Variants in CMSS1 observed in about 807,000 individuals in gnomAD.
CMSS1 encodes the protein protein CMSS1.
A neutral mutation model predicts 43.5 loss-of-function variants in CMSS1; 33 were observed. The ratio of observed to expected loss-of-function variants is 0.76; its 90% CI spans 0.57 to 1.01. CMSS1 has a LOEUF of 1.01. Among genes scored for constraint, CMSS1 ranks in the 50% least tolerant of loss-of-function variants. CMSS1 has a pLI of 0.00. For synonymous variants in CMSS1, 115 were observed against 117.2 expected, an observed-to-expected ratio of 0.98 and a Z score of 0.12; for missense variants, 313 against 326.4, an observed-to-expected ratio of 0.96 and a Z score of 0.32.
chr3:100,126,833 C>T (rs1431287516), intron 1 of CMSS1, among the ~76,000 whole-genome samples: 3 of 152,060 alleles, frequency 2.0e-5, no homozygotes, highest in African/African-American at 7.2e-5. Flanking sequence ...TCCGTCTCTA[C>T]TAAAAATACA....
At chr3:99,887,221 T>G (rs1705930268) in intron 1 of CMSS1, among the ~76,000 whole-genome samples, 1 of 151,646 alleles carries the variant, frequency 6.6e-6, no homozygotes, top group South Asian at 2.1e-4. Flanking sequence ...TAGCCGAGAT[T>G]GAGCCATTGC....
chr3:99,941,253 G>A (rs2107676535), intron 1 of CMSS1, among the ~76,000 whole-genome samples: 1 of 152,154 alleles, frequency 6.6e-6, no homozygotes, highest in Middle Eastern at 3.4e-3. Context: ...AAAAACTGAA[G>A]TGTTATAAAG....
chr3:99,833,262 C>G, intron 1 of CMSS1: 1 of 1,610,862 alleles, frequency 6.2e-7, no homozygotes, highest in East Asian at 2.2e-5. Flanking sequence ...GTGGTTCCAC[C>G]TAGGGAGCAG....
chr3:99,983,422 ATGTATGTATG>A (rs1709202947), intron 1 of CMSS1, among the ~76,000 whole-genome samples: 31 of 86,908 alleles, frequency 3.6e-4, no homozygotes, highest in African/African-American at 1.3e-3. Context: ...ATATATATGT[ATGTATGTATG>A]TATATATATG....
At chr3:100,141,900 C>T (rs1369030163) in intron 1 of CMSS1, among the ~76,000 whole-genome samples, 1 of 152,140 alleles carries the variant, frequency 6.6e-6, no homozygotes, top group Non-Finnish European at 1.5e-5. Flanking sequence ...TCCCAGCAGT[C>T]CTGGAGGAAC....
At chr3:99,977,391 C>G (rs1197619900) in intron 1 of CMSS1, among the ~76,000 whole-genome samples, 1 of 152,008 alleles carries the variant, frequency 6.6e-6, no homozygotes, top group East Asian at 1.9e-4. Context: ...AGCAGGGAAA[C>G]AAAGTAAGAG....
intron 1 of CMSS1, among the ~76,000 whole-genome samples, chr3:99,834,901 G>A (rs1461981619): frequency 6.6e-6 from 1 of 152,176 alleles, no homozygotes; most frequent in Non-Finnish European, 1.5e-5. Context: ...TCTGGGGATT[G>A]AAATACCTAC....
intron 9 of CMSS1, among the ~76,000 whole-genome samples, chr3:100,177,984 T>C (rs1041214056): frequency 2.0e-5 from 3 of 152,164 alleles, no homozygotes; most frequent in Non-Finnish European, 2.9e-5. Context: ...CCAGGTATCA[T>C]GGCACACACC....
At chr3:100,057,344 C>T (rs553698325) in intron 1 of CMSS1, among the ~76,000 whole-genome samples, 4 of 152,252 alleles carry the variant, frequency 2.6e-5, no homozygotes, top group African/African-American at 4.8e-5. Context: ...GCTTCTTGCC[C>T]GGCCTTAGGC....
At chr3:99,827,575 T>C (rs979399443) in intron 1 of CMSS1, among the ~76,000 whole-genome samples, 2 of 152,204 alleles carry the variant, frequency 1.3e-5, no homozygotes, top group African/African-American at 4.8e-5. Context: ...CTGGTTCCCA[T>C]AGAAGTGTCA....
At chr3:99,992,152 TATA>T (rs1709543282) in intron 1 of CMSS1, among the ~76,000 whole-genome samples, 1 of 151,992 alleles carries the variant, frequency 6.6e-6, no homozygotes, top group African/African-American at 2.4e-5. Flanking sequence ...ATCTTTTTGA[TATA>T]ATGATTTCTT....
chr3:100,016,684 A>G (rs187826830), intron 1 of CMSS1, among the ~76,000 whole-genome samples: 40 of 152,370 alleles, frequency 2.6e-4, no homozygotes, highest in African/African-American at 9.1e-4. Flanking sequence ...AGTCCATGCA[A>G]TTCATAAACT....
intron 1 of CMSS1, among the ~76,000 whole-genome samples, chr3:100,094,878 CG>C (rs1354015845): frequency 6.6e-6 from 1 of 151,556 alleles, no homozygotes; most frequent in Non-Finnish European, 1.5e-5. Flanking sequence ...TTAGTAGAGA[CG>C]GGGTTTTATC....
chr3:100,015,302 A>G (rs779456925), intron 1 of CMSS1, among the ~76,000 whole-genome samples: 1 of 152,054 alleles, frequency 6.6e-6, no homozygotes, highest in South Asian at 2.1e-4. Context: ...ATAGCTTTAT[A>G]GTGTATTTTT....
chr3:100,143,053 G>A (rs896710338), intron 1 of CMSS1, among the ~76,000 whole-genome samples: 17 of 152,274 alleles, frequency 1.1e-4, no homozygotes, highest in African/African-American at 3.9e-4. Flanking sequence ...AGAGGAAGAA[G>A]GAGAAACATA....
At chr3:100,162,495 G>A in intron 4 of CMSS1, 63 bp downstream of exon 4, 16 of 1,543,098 alleles carry the variant, frequency 1.0e-5, no homozygotes, top group Non-Finnish European at 1.4e-5. Flanking sequence ...GTTATGGTTA[G>A]GTGTCTCAGG....
chr3:100,161,452 A>C (rs1248711948), intron 3 of CMSS1, among the ~76,000 whole-genome samples: 1 of 152,194 alleles, frequency 6.6e-6, no homozygotes, highest in Non-Finnish European at 1.5e-5. Context: ...GACTGAGGTC[A>C]CACTAAAATG....
At chr3:99,962,103 A>C (rs1293400517) in intron 1 of CMSS1, among the ~76,000 whole-genome samples, 1 of 152,180 alleles carries the variant, frequency 6.6e-6, no homozygotes, top group Admixed American at 6.5e-5. Flanking sequence ...AGGAAGCGAG[A>C]TGAATGAGGA....
At chr3:100,094,319 T>C (rs1262107484) in intron 1 of CMSS1, among the ~76,000 whole-genome samples, 1 of 152,166 alleles carries the variant, frequency 6.6e-6, no homozygotes, top group Non-Finnish European at 1.5e-5. Context: ...TCCTTATATT[T>C]TTTAAATGGT....
Sources: allele counts gnomAD v4.1 joint callset (sites outside exome capture counted in the v4.1 genomes callset), GRCh38; gene constraint gnomAD v4.1.1; transcripts MANE v1.5; gene names NCBI Gene and HGNC (gene_info 2026-07-23, HGNC 2026-07-21).